AAMDC: variants seen among roughly 807,000 people sequenced by gnomAD.
The protein encoded by AAMDC is mth938 domain-containing protein.
In AAMDC, 16 loss-of-function variants were observed where a neutral mutation model predicts 15.5. The ratio of observed to expected loss-of-function variants is 1.03; its 90% CI spans 0.70 to 1.57. AAMDC has a LOEUF of 1.57. Ranked by LOEUF, AAMDC falls within the 40% of genes most tolerant of loss-of-function variation. The pLI, the probability that AAMDC is intolerant of heterozygous loss-of-function variation, is 0.00. For missense variants in AAMDC, 141 were observed against 144.9 expected, an observed-to-expected ratio of 0.97 and a Z score of 0.14; for synonymous variants, 51 against 51.6, an observed-to-expected ratio of 0.99 and a Z score of 0.05.
At chr11:77,862,935 T>C (rs1284965583) in intron 2 of AAMDC, among the ~76,000 whole-genome samples, 3 of 152,148 alleles carry the variant, frequency 2.0e-5, no homozygotes, top group Non-Finnish European at 4.4e-5. Context: ...GTTTTTGCCT[T>C]GGGGGGAACG....
intron 5 of AAMDC, among the ~76,000 whole-genome samples, chr11:77,886,475 G>C (rs7112346): frequency 0.021 from 3,150 of 151,908 alleles, 99 homozygotes; most frequent in African/African-American, 0.071. Flanking sequence ...TTTCTGCCCA[G>C]TGCTCTGAAT....
chr11:77,876,755 C>T (rs1951605768), downstream of AAMDC, among the ~76,000 whole-genome samples: 1 of 152,210 alleles, frequency 6.6e-6, no homozygotes. Flanking sequence ...CAAGTCCTGG[C>T]TTTGTCCCTT....
intron 5 of AAMDC, among the ~76,000 whole-genome samples, chr11:77,880,418 CTCA>C (rs761928753): frequency 1.8e-4 from 27 of 152,314 alleles, no homozygotes; most frequent in Non-Finnish European, 3.7e-4. Flanking sequence ...TAAGTGCAGC[CTCA>C]TCATCAAGTA....
rs544253404 is a variant in AAMDC at position 77,865,465 on chromosome 11, AAG to A, written c.133-4253_133-4252del. Among the ~76,000 whole-genome samples the A allele has an allele frequency of 4.6e-5, 7 of 152,348 alleles. No individual in the cohort carries two copies. In the South Asian group the frequency reaches 1.4e-3, roughly 32 times the overall value. On this transcript the variant is annotated intron_variant, in intron 2 of 3. Coordinates refer to ENST00000393427, the MANE Select transcript of AAMDC (RefSeq NM_024684.4). Reference sequence around the variant, plus strand: ...GGGCTCTAACTTGCAAGGAAGAGGAAAGAGAAGAAAAGCTCATGCCAAACCTA... The same window carrying A: ...GGGCTCTAACTTGCAAGGAAGAGGAAAGAAGAAAAGCTCATGCCAAACCTA...
chr11:77,823,888 A>G (rs1054923760), intron 1 of AAMDC, among the ~76,000 whole-genome samples: 1 of 151,668 alleles, frequency 6.6e-6, no homozygotes, highest in African/African-American at 2.4e-5. Flanking sequence ...CACTTCCCAC[A>G]TTCCAGTGAG....
intron 2 of AAMDC, among the ~76,000 whole-genome samples, chr11:77,857,630 G>A (rs1218432966): frequency 6.6e-6 from 1 of 150,658 alleles, no homozygotes; most frequent in African/African-American, 2.4e-5. Flanking sequence ...TGCAGAACAT[G>A]CAGGTTTGTT....
chr11:77,905,565 G>A (rs1158333933), downstream of AAMDC, among the ~76,000 whole-genome samples: 1 of 152,120 alleles, frequency 6.6e-6, no homozygotes, highest in Non-Finnish European at 1.5e-5. Context: ...CTGACTTTGT[G>A]TATAAGCATT....
intron 2 of AAMDC, among the ~76,000 whole-genome samples, chr11:77,843,934 C>T (rs776703491): frequency 4.6e-5 from 7 of 152,222 alleles, no homozygotes; most frequent in Non-Finnish European, 7.4e-5. Context: ...GAGAAACTCT[C>T]GTTTTTAAAA....
intron 3 of AAMDC, 133 bp downstream of exon 3, chr11:77,869,950 T>A: frequency 2.8e-6 from 2 of 719,212 alleles, no homozygotes; most frequent in Non-Finnish European, 4.8e-6. Context: ...AGGATAGCAG[T>A]GGCTGCACAC....
intron 1 of AAMDC, among the ~76,000 whole-genome samples, 186 bp from the exon 2 acceptor site, chr11:77,842,293 T>C (rs1949965437): frequency 6.6e-6 from 1 of 152,210 alleles, no homozygotes; most frequent in Non-Finnish European, 1.5e-5. Context: ...CTGGTTTCTA[T>C]GGTTGGATGA....
chr11:77,893,100 A>G (rs1952349279), intron 5 of AAMDC, among the ~76,000 whole-genome samples: 2 of 152,198 alleles, frequency 1.3e-5, no homozygotes, highest in East Asian at 1.9e-4. Context: ...TTAAGATCCT[A>G]TGTCTTCTCC....
intron 2 of AAMDC, among the ~76,000 whole-genome samples, chr11:77,859,369 C>CT (rs1025423560): frequency 5.9e-5 from 9 of 152,172 alleles, no homozygotes; most frequent in Non-Finnish European, 1.3e-4. Context: ...ACTGCTACCT[C>CT]TTTAGGTTTC....
chr11:77,904,822 G>A (rs547126041), downstream of AAMDC, among the ~76,000 whole-genome samples: 5 of 152,298 alleles, frequency 3.3e-5, no homozygotes, highest in East Asian at 9.6e-4. Flanking sequence ...TGGGTTGTAT[G>A]CAGGATAGTT....
At chr11:77,888,878 C>T (rs552005607) in intron 5 of AAMDC, among the ~76,000 whole-genome samples, 1 of 152,146 alleles carries the variant, frequency 6.6e-6, no homozygotes, top group South Asian at 2.1e-4. Flanking sequence ...CAGTGAGATA[C>T]CATCTCACAC....
intron 2 of AAMDC, among the ~76,000 whole-genome samples, chr11:77,864,755 G>A (rs1565211272): frequency 6.6e-6 from 1 of 152,152 alleles, no homozygotes; most frequent in Non-Finnish European, 1.5e-5. Flanking sequence ...AAGATGGGAG[G>A]ATTGTTTGAG....
chr11:77,842,401 G>C, intron 1 of AAMDC, 78 bp from the exon 2 acceptor site: 1 of 1,331,282 alleles, frequency 7.5e-7, no homozygotes, highest in Non-Finnish European at 1.0e-6. Context: ...GGAGAATCAG[G>C]GCTTAGTATC....
At chr11:77,903,912 G>A (rs1050458233), downstream of AAMDC, among the ~76,000 whole-genome samples, 1 of 152,138 alleles carries the variant, frequency 6.6e-6, no homozygotes, top group Non-Finnish European at 1.5e-5. Context: ...ACCAGAATGC[G>A]CAGGCAAGCC....
intron 2 of AAMDC, among the ~76,000 whole-genome samples, chr11:77,867,914 A>C (rs1317244018): frequency 6.6e-6 from 1 of 152,176 alleles, no homozygotes; most frequent in Non-Finnish European, 1.5e-5. Context: ...AAAAAGTAAC[A>C]ATATAGAGAT....
chr11:77,862,233 A>G (rs1590965813), intron 2 of AAMDC, among the ~76,000 whole-genome samples: 1 of 152,170 alleles, frequency 6.6e-6, no homozygotes, highest in South Asian at 2.1e-4. Flanking sequence ...TCATCCTATC[A>G]TTGACCTGAG....
Sources: gnomAD v4.1 joint callset for allele counts (sites outside exome capture counted in the v4.1 genomes callset) on GRCh38, gnomAD v4.1.1 for gene constraint, MANE v1.5 for transcripts, NCBI Gene and HGNC (gene_info 2026-07-23, HGNC 2026-07-21) for gene names.